CDC42BPA: variants seen among roughly 807,000 people sequenced by gnomAD.
The protein encoded by CDC42BPA is CDC42 binding protein kinase alpha.
CDC42BPA carries 80 observed loss-of-function variants against 223.5 expected under a neutral mutation model. That is an observed-to-expected ratio of 0.36 (90% CI 0.30 to 0.43). CDC42BPA has a LOEUF of 0.43. Among genes scored for constraint, CDC42BPA ranks in the 20% least tolerant of loss-of-function variants. CDC42BPA has a pLI of 1.00. For synonymous variants in CDC42BPA, 694 were observed against 718.6 expected, an observed-to-expected ratio of 0.97 and a Z score of 0.55; for missense variants, 1,743 against 2,099.9, an observed-to-expected ratio of 0.83 and a Z score of 3.32.
chr1:227,250,289 A>T (rs766705152), intron 2 of CDC42BPA, among the ~76,000 whole-genome samples: 10 of 152,104 alleles, frequency 6.6e-5, no homozygotes, highest in Non-Finnish European at 1.2e-4. Flanking sequence ...GGAGTTCGAG[A>T]CCAGCCTGAC....
chr1:227,096,402 A>C (rs1489681594), intron 15 of CDC42BPA, among the ~76,000 whole-genome samples: 1 of 152,208 alleles, frequency 6.6e-6, no homozygotes, highest in Admixed American at 6.6e-5. Flanking sequence ...CCTGTGTCAC[A>C]ATTCATTTCC....
intron 15 of CDC42BPA, among the ~76,000 whole-genome samples, chr1:227,097,709 A>G (rs1416766334): frequency 6.6e-6 from 1 of 152,218 alleles, no homozygotes; most frequent in Non-Finnish European, 1.5e-5. Flanking sequence ...AACTGGTGGC[A>G]TATGACCTTC....
intron 2 of CDC42BPA, among the ~76,000 whole-genome samples, chr1:227,214,876 A>G (rs11576239): frequency 0.12 from 18,146 of 152,138 alleles, 1,304 homozygotes; most frequent in South Asian, 0.23. Flanking sequence ...AATCTAGTAG[A>G]AGGAGGAGTG....
intron 28 of CDC42BPA, among the ~76,000 whole-genome samples, chr1:227,030,838 A>G (rs1669150482): frequency 6.6e-6 from 1 of 152,208 alleles, no homozygotes; most frequent in African/African-American, 2.4e-5. Context: ...TTAGATGCAT[A>G]CACAGGAATA....
chr1:227,268,295 G>A (rs1024021533), intron 1 of CDC42BPA, among the ~76,000 whole-genome samples: 2 of 152,168 alleles, frequency 1.3e-5, no homozygotes, highest in South Asian at 4.1e-4. Context: ...GCACACAGAC[G>A]GTGCAGCTCA....
intron 2 of CDC42BPA, among the ~76,000 whole-genome samples, chr1:227,225,157 T>C (rs964605672): frequency 6.6e-6 from 1 of 152,206 alleles, no homozygotes; most frequent in African/African-American, 2.4e-5. Context: ...AAGTTCATTA[T>C]ATTAATGTTT....
At chr1:227,243,762 A>T (rs901921994) in intron 2 of CDC42BPA, among the ~76,000 whole-genome samples, 11 of 87,248 alleles carry the variant, frequency 1.3e-4, no homozygotes, top group African/African-American at 3.3e-4. Flanking sequence ...TTTGTCACAC[A>T]CACACACACA....
chr1:227,025,863 T>C (rs550018963), intron 31 of CDC42BPA, among the ~76,000 whole-genome samples, 192 bp downstream of exon 31: 2 of 152,294 alleles, frequency 1.3e-5, no homozygotes, highest in South Asian at 4.1e-4. Context: ...AAAATTAGTA[T>C]GGTTTTAGTG....
intron 28 of CDC42BPA, 81 bp from the exon 29 acceptor site, chr1:227,030,551 G>T: frequency 1.2e-6 from 1 of 821,400 alleles, no homozygotes; most frequent in African/African-American, 1.8e-5. Flanking sequence ...AAGAACATTT[G>T]GTGCAAAAAA....
intron 1 of CDC42BPA, among the ~76,000 whole-genome samples, chr1:227,268,576 G>GTA (rs200903433): frequency 6.1e-5 from 9 of 146,784 alleles, no homozygotes; most frequent in East Asian, 2.0e-4. Context: ...TATATATAGT[G>GTA]TATATATATA....
chr1:227,150,871 A>G (rs1299184803), intron 6 of CDC42BPA, among the ~76,000 whole-genome samples: 12 of 36,448 alleles, frequency 3.3e-4, no homozygotes. Context: ...AAAAAAAAGA[A>G]AAAAAAAAAG....
At chr1:227,020,066 T>C (rs1667089963) in intron 32 of CDC42BPA, among the ~76,000 whole-genome samples, 1 of 152,126 alleles carries the variant, frequency 6.6e-6, no homozygotes, top group African/African-American at 2.4e-5. Flanking sequence ...CTGGCTAATT[T>C]TGTATTTTTA....
At chr1:227,120,088 A>C (rs16847140) in intron 11 of CDC42BPA, 151 bp from the exon 12 acceptor site, 13,190 of 543,418 alleles carry the variant, frequency 0.024, 202 homozygotes, top group Middle Eastern at 0.04. Flanking sequence ...TGACAAATTA[A>C]ATGCATTATC....
At chr1:227,135,413 A>T (rs1158166520) in intron 10 of CDC42BPA, among the ~76,000 whole-genome samples, 1 of 152,156 alleles carries the variant, frequency 6.6e-6, no homozygotes, top group East Asian at 1.9e-4. Flanking sequence ...CAAGACACCA[A>T]ATTTGGAAAT....
At position 227,003,702 on chromosome 1, in the gene CDC42BPA, C is replaced by T. The variant is rs183884958; in HGVS notation, c.4975+1292G>A. Among the ~76,000 whole-genome samples, 386 of 152,218 alleles carry T rather than the reference C, an allele frequency of 2.5e-3. 6 individuals carry two copies. The highest frequency in any genetic ancestry group is 8.3e-3 in the African/African-American group (344 of 41,516). On this transcript the variant is annotated intron_variant, in intron 35 of 36. Transcript: ENST00000366766. ...CCTCCCCCACCAAAAAGCTGCTCCG[C>T]GACAGTAGCTGAACCTAAGTGCACC... is the stretch of plus-strand genomic sequence containing the variant.
At chr1:227,090,486 G>C (rs1348268595) in intron 16 of CDC42BPA, among the ~76,000 whole-genome samples, 1 of 152,006 alleles carries the variant, frequency 6.6e-6, no homozygotes, top group Non-Finnish European at 1.5e-5. Flanking sequence ...TTAAATTTAA[G>C]TAGAATTATT....
intron 6 of CDC42BPA, among the ~76,000 whole-genome samples, chr1:227,154,390 A>T (rs1175073561): frequency 6.6e-6 from 1 of 152,002 alleles, no homozygotes; most frequent in Non-Finnish European, 1.5e-5. Flanking sequence ...GTAAGAGAAA[A>T]AAATAGCACA....
intron 32 of CDC42BPA, among the ~76,000 whole-genome samples, chr1:227,018,908 G>A (rs1038722461): frequency 1.3e-5 from 2 of 152,172 alleles, no homozygotes; most frequent in African/African-American, 4.8e-5. Flanking sequence ...TCATATTCTT[G>A]TTGATAGTTG....
chr1:227,284,523 C>A (rs1688514858), intron 1 of CDC42BPA, among the ~76,000 whole-genome samples: 2 of 152,146 alleles, frequency 1.3e-5, no homozygotes, highest in African/African-American at 4.8e-5. Flanking sequence ...AACCTTAATA[C>A]TAATAGCACT....
Sources: allele counts gnomAD v4.1 joint callset (sites outside exome capture counted in the v4.1 genomes callset), GRCh38; gene constraint gnomAD v4.1.1; transcripts MANE v1.5; gene names NCBI Gene and HGNC (gene_info 2026-07-23, HGNC 2026-07-21).